HIP1: variants seen among roughly 807,000 people sequenced by gnomAD.
The protein encoded by HIP1 is huntingtin-interacting protein 1.
HIP1 carries 65 observed loss-of-function variants against 147.6 expected under a neutral mutation model. The observed-to-expected ratio is 0.44, with a 90% CI of 0.36 to 0.54. HIP1 has a LOEUF of 0.54. HIP1 is among the 20% of genes least tolerant of loss of function. The pLI is 0.00. For synonymous variants in HIP1, 479 were observed against 504.0 expected (o/e 0.95, Z 0.67); for missense variants, 1,061 against 1,299.6 (o/e 0.82, Z 2.82).
chr7:75,643,597 G>A (rs572577132), intron 1 of HIP1, among the ~76,000 whole-genome samples: 2 of 152,356 alleles, frequency 1.3e-5, no homozygotes, highest in Admixed American at 1.3e-4. Flanking sequence ...AGTGGGATGG[G>A]AAGGGTTAGT....
chr7:75,561,093 C>G (rs1027948889), intron 13 of HIP1, among the ~76,000 whole-genome samples: 3 of 151,948 alleles, frequency 2.0e-5, no homozygotes, highest in Admixed American at 6.6e-5. Context: ...GCTGGGATTA[C>G]AGGTGCCTGC....
chr7:75,659,798 G>A (rs1799249778), intron 1 of HIP1, among the ~76,000 whole-genome samples: 1 of 152,106 alleles, frequency 6.6e-6, no homozygotes, highest in African/African-American at 2.4e-5. Flanking sequence ...CCCACCATAT[G>A]CGAGCACTTT....
intron 5 of HIP1, among the ~76,000 whole-genome samples, chr7:75,583,358 T>G (rs1796128194): frequency 1.3e-5 from 2 of 152,114 alleles, no homozygotes; most frequent in East Asian, 3.9e-4. Flanking sequence ...TCACAGCTGG[T>G]GTCACTATGC....
At chr7:75,697,104 A>C (rs1169800686) in intron 1 of HIP1, among the ~76,000 whole-genome samples, 2 of 152,070 alleles carry the variant, frequency 1.3e-5, no homozygotes, top group Non-Finnish European at 2.9e-5. Flanking sequence ...TTCTCTTCTC[A>C]AAAACAGCTA....
intron 1 of HIP1, among the ~76,000 whole-genome samples, chr7:75,619,495 G>A (rs587688307): frequency 7.8e-4 from 105 of 135,062 alleles, no homozygotes; most frequent in African/African-American, 2.8e-3. Context: ...CAGCCTGGGC[G>A]ACAGAGCAAG....
chr7:75,591,068 T>C (rs2116966022), intron 4 of HIP1, among the ~76,000 whole-genome samples: 1 of 151,714 alleles, frequency 6.6e-6, no homozygotes, highest in East Asian at 1.9e-4. Context: ...AGTCTCACTC[T>C]GTCACCCAGG....
At chr7:75,545,335 AT>A (rs1794515080) in intron 25 of HIP1, 147 bp from the exon 26 acceptor site, 2 of 634,230 alleles carry the variant, frequency 3.2e-6, no homozygotes, top group Admixed American at 6.2e-5. Context: ...AAAGAAGAAG[AT>A]TCAGAGACCA....
chr7:75,543,124 C>A, intron 27 of HIP1, 150 bp from the exon 28 acceptor site: 1 of 694,870 alleles, frequency 1.4e-6, no homozygotes. Context: ...ATAGTCAGCT[C>A]CTGACATATC....
Position 75,720,781 on chromosome 7 carries a change from A to G in HIP1, c.120+18020T>C, listed in dbSNP as rs183776211. 1.6e-3 allele frequency among the ~76,000 whole-genome samples: 249 copies of G among 152,010 alleles called. 2 individuals carry two copies. Among genetic ancestry groups the G allele is most frequent in the African/African-American group, 5.6e-3 (234 of 41,476 alleles). On this transcript the variant is annotated intron_variant, in intron 1 of 30. Transcript: ENST00000336926. The stretch of plus-strand genomic sequence containing the variant: ...CAGCCGGGTGCGGTGGCTCACGCCT[A>G]TAATCCCAGCACTTTGAGAGGCCGA...
At position 75,557,338 on chromosome 7, in the gene HIP1, C is replaced by A. The variant is rs373255128; in HGVS notation, c.1581+316G>T. Among the ~76,000 whole-genome samples, 863 of 150,216 alleles carry A rather than the reference C, an allele frequency of 5.7e-3. 10 individuals are homozygous for A. The highest frequency in any genetic ancestry group is 0.02 in the African/African-American group (817 of 40,266). ...ACTGCCGTCTCAAAAAACAAACAAACAAAACAAACAAACAAAAAAAAACGC... is the reference window on the plus strand; with the variant it reads ...ACTGCCGTCTCAAAAAACAAACAAAAAAAACAAACAAACAAAAAAAAACGC... On this transcript the variant is annotated intron_variant, in intron 16 of 30. Coordinates refer to ENST00000336926, the MANE Select transcript of HIP1 (RefSeq NM_005338.7).
At chr7:75,738,504 C>T (rs1802098838) in intron 1 of HIP1, among the ~76,000 whole-genome samples, 2 of 152,102 alleles carry the variant, frequency 1.3e-5, no homozygotes. Context: ...AGTTCCTTCC[C>T]CTCTCACCTC....
intron 1 of HIP1, among the ~76,000 whole-genome samples, chr7:75,726,913 G>A (rs1351678632): frequency 2.0e-5 from 3 of 151,890 alleles, no homozygotes; most frequent in African/African-American, 7.3e-5. Flanking sequence ...CTGACTTCGG[G>A]TGATCTGCCC....
intron 7 of HIP1, among the ~76,000 whole-genome samples, chr7:75,575,066 G>A (rs1554497450): frequency 6.6e-6 from 1 of 152,126 alleles, no homozygotes; most frequent in Non-Finnish European, 1.5e-5. Context: ...GCTGAGGCAG[G>A]AGAATCGCTT....
chr7:75,669,195 C>G lies in HIP1; in HGVS notation c.120+69606G>C, dbSNP rs1409167999. On this transcript the variant is annotated intron_variant, in intron 1 of 30. Transcript: ENST00000336926. ...CCTGGCTAACATGGTGAAACCCTGT[C>G]TATACTAAAAAAAAAAAAATACAAA... 3.0e-5 allele frequency among the ~76,000 whole-genome samples: 3 copies of G among 99,110 alleles called. No homozygotes were observed. In the East Asian group the frequency reaches 8.3e-4, roughly 28 times the overall value. The allele number at this position is 99,110 out of a possible 152,430, so 65.0% of individuals were successfully genotyped here. A position where few individuals can be genotyped will look rare whatever the true frequency, so the allele number is the denominator to read the frequency against.
In HIP1 at chr7:75,602,303, CTTTTTTTT is replaced by C. The variant is rs67019261; in HGVS notation, c.121-3064_121-3057del. Among the ~76,000 whole-genome samples, 306 of 77,236 alleles carry C rather than the reference CTTTTTTTT, an allele frequency of 4.0e-3. 2 individuals are homozygous for C. Among genetic ancestry groups the C allele is most frequent in the Non-Finnish European group, 5.5e-3 (237 of 42,868 alleles). The allele number at this position is 77,236 out of a possible 152,430, so 50.7% of individuals were successfully genotyped here. A position where few individuals can be genotyped will look rare whatever the true frequency, so the allele number is the denominator to read the frequency against. On this transcript the variant is annotated intron_variant, in intron 1 of 30. Coordinates refer to ENST00000336926, the MANE Select transcript of HIP1 (RefSeq NM_005338.7). ...GGCGTGAGCCACAGCACCTGGCCAGCTTTTTTTTTTTTTTTTTTTTTTTTTTTTTCAAA... is the reference window on the plus strand; with the variant it reads ...GGCGTGAGCCACAGCACCTGGCCAGCTTTTTTTTTTTTTTTTTTTTTCAAA...
intron 1 of HIP1, among the ~76,000 whole-genome samples, chr7:75,661,849 A>C (rs1281331612): frequency 6.6e-6 from 1 of 151,970 alleles, no homozygotes; most frequent in Non-Finnish European, 1.5e-5. Flanking sequence ...CTCTTTGGGA[A>C]AGGCTGGTGG....
intron 7 of HIP1, among the ~76,000 whole-genome samples, chr7:75,577,341 A>C (rs1795881913): frequency 1.3e-5 from 2 of 151,820 alleles, no homozygotes; most frequent in African/African-American, 4.8e-5. Context: ...CCAAAAAAAA[A>C]AAAACGAGAG....
At position 75,684,829 on chromosome 7, in the gene HIP1, C is replaced by A. The variant is rs980080421; in HGVS notation, c.120+53972G>T. ...TGTTTTGGCCAGGCATGGTGGCTCA[C>A]GCCTGTAATCCCAGCACTTTGGGAG... is the stretch of plus-strand genomic sequence containing the variant. On this transcript the variant is annotated intron_variant, in intron 1 of 30. Transcript: ENST00000336926. Among the ~76,000 whole-genome samples, 5 of 152,078 alleles carry A rather than the reference C, an allele frequency of 3.3e-5. No individual in the cohort carries two copies. The South Asian group carries it at 8.3e-4, about 25-fold the overall frequency.
chr7:75,542,259 A>G (rs1554490037), intron 28 of HIP1, among the ~76,000 whole-genome samples: 2 of 151,746 alleles, frequency 1.3e-5, no homozygotes, highest in African/African-American at 4.8e-5. Context: ...AGCTGGGTGC[A>G]GTGGTGGGCG....
Sources: gnomAD v4.1 joint callset for allele counts (sites outside exome capture counted in the v4.1 genomes callset) on GRCh38, gnomAD v4.1.1 for gene constraint, MANE v1.5 for transcripts, NCBI Gene and HGNC (gene_info 2026-07-23, HGNC 2026-07-21) for gene names.